Variants in MOB1B observed in about 807,000 individuals in gnomAD.
MOB1B encodes the protein MOB1 Mps One Binder homolog B.
A neutral mutation model predicts 24.4 loss-of-function variants in MOB1B; 19 were observed. The ratio of observed to expected loss-of-function variants is 0.78; its 90% CI spans 0.54 to 1.14. The LOEUF (loss-of-function observed/expected upper bound fraction) is 1.14. Among genes scored for constraint, MOB1B ranks in the 50% most tolerant of loss-of-function variants. The pLI is 0.00. For synonymous variants in MOB1B, 76 were observed against 82.1 expected (o/e 0.93, Z 0.40); for missense variants, 243 against 259.6 (o/e 0.94, Z 0.44).
At chr4:70,918,876 G>C (rs1228566292) in intron 1 of MOB1B, among the ~76,000 whole-genome samples, 3 of 152,044 alleles carry the variant, frequency 2.0e-5, no homozygotes, top group African/African-American at 7.2e-5. Flanking sequence ...GTTTATTGCG[G>C]CACTATTCAC....
At chr4:70,946,406 T>A (rs1737585697) in intron 1 of MOB1B, among the ~76,000 whole-genome samples, 1 of 152,138 alleles carries the variant, frequency 6.6e-6, no homozygotes, top group Non-Finnish European at 1.5e-5. Context: ...TGCAAAGGTA[T>A]CTAAGAGAAG....
At chr4:70,931,234 T>C (rs561129091) in intron 1 of MOB1B, among the ~76,000 whole-genome samples, 66 of 152,330 alleles carry the variant, frequency 4.3e-4, no homozygotes, top group African/African-American at 1.6e-3. Flanking sequence ...AATAAATGTT[T>C]TGGCTCAGTT....
At chr4:70,935,123 C>T (rs1287132564) in intron 1 of MOB1B, among the ~76,000 whole-genome samples, 1 of 151,966 alleles carries the variant, frequency 6.6e-6, no homozygotes, top group Admixed American at 6.6e-5. Flanking sequence ...GAGATGAGGG[C>T]TTGCTATGTT....
intron 5 of MOB1B, among the ~76,000 whole-genome samples, chr4:70,979,720 A>T (rs2148904777): frequency 6.6e-6 from 1 of 152,256 alleles, no homozygotes; most frequent in Admixed American, 6.5e-5. Flanking sequence ...GTTTTTTTTA[A>T]AACCACATTC....
intron 2 of MOB1B, among the ~76,000 whole-genome samples, chr4:70,965,354 C>T (rs1405632355): frequency 1.4e-5 from 2 of 146,962 alleles, no homozygotes; most frequent in African/African-American, 5.0e-5. Context: ...ATTTATAACT[C>T]CTGGTAAGAT....
intron 2 of MOB1B, among the ~76,000 whole-genome samples, chr4:70,963,183 T>G (rs1012206922): frequency 6.6e-6 from 1 of 152,024 alleles, no homozygotes; most frequent in Admixed American, 6.6e-5. Flanking sequence ...CTAGGCAACA[T>G]AGCAAGACCC....
chr4:70,936,173 T>C (rs543863314), intron 1 of MOB1B, among the ~76,000 whole-genome samples: 3 of 152,172 alleles, frequency 2.0e-5, no homozygotes, highest in South Asian at 4.1e-4. Flanking sequence ...TTTGTATTTT[T>C]AGTAGAGACA....
chr4:70,905,470 T>G (rs1263072702), intron 1 of MOB1B, among the ~76,000 whole-genome samples: 3 of 151,960 alleles, frequency 2.0e-5, no homozygotes, highest in Non-Finnish European at 2.9e-5. Flanking sequence ...GCTGGTCTCC[T>G]GGGCTCAAAC....
At chr4:70,911,626 T>C (rs1022790519) in intron 1 of MOB1B, among the ~76,000 whole-genome samples, 2 of 152,166 alleles carry the variant, frequency 1.3e-5, no homozygotes, top group Admixed American at 1.3e-4. Flanking sequence ...TGGTTACTTT[T>C]ACCATTATTG....
chr4:70,981,580 C>G (rs561774246), intron 5 of MOB1B, among the ~76,000 whole-genome samples: 2 of 152,252 alleles, frequency 1.3e-5, no homozygotes, highest in South Asian at 2.1e-4. Flanking sequence ...CTGAATTTGC[C>G]TGAGATGCTA....
chr4:70,976,698 G>T lies in MOB1B; in HGVS notation c.409+1412G>T, dbSNP rs1409159264. On this transcript the variant is annotated intron_variant, in intron 4 of 5. Coordinates refer to ENST00000309395, the MANE Select transcript of MOB1B (RefSeq NM_173468.4). ...AGTACTTTAAACATATTTATTGAAT[G>T]CATTAACCACTTGGAACTTTTTTAA... 2.2e-5 allele frequency: 20 copies of T among 924,056 alleles called. No homozygotes were observed. The African/African-American group carries it at 3.7e-4, about 17-fold the overall frequency. The allele number at this position is 924,056 out of a possible 1,614,324, so 57.2% of individuals were successfully genotyped here.
chr4:70,955,464 C>T (rs1466480137), intron 1 of MOB1B, among the ~76,000 whole-genome samples: 19 of 89,326 alleles, frequency 2.1e-4, no homozygotes, highest in Admixed American at 5.1e-4. Flanking sequence ...AGTATGTGTC[C>T]TTTTTTTTTT....
At chr4:70,927,346 C>T (rs1012989105) in intron 1 of MOB1B, among the ~76,000 whole-genome samples, 5 of 152,078 alleles carry the variant, frequency 3.3e-5, no homozygotes, top group Admixed American at 6.6e-5. Flanking sequence ...CGAGACCAGC[C>T]TGGCCAACAT....
intron 1 of MOB1B, among the ~76,000 whole-genome samples, chr4:70,946,162 T>C (rs1243245983): frequency 5.3e-5 from 8 of 151,406 alleles, no homozygotes; most frequent in Non-Finnish European, 7.4e-5. Context: ...AAAATGAAAT[T>C]TTGGTGTTAG....
At chr4:70,942,968 T>C in intron 1 of MOB1B, 2 of 245,490 alleles carry the variant, frequency 8.1e-6, no homozygotes, top group Non-Finnish European at 1.3e-5. Flanking sequence ...TATATCTCAG[T>C]GGGTTCGGGG....
intron 1 of MOB1B, chr4:70,950,922 G>A (rs1241216292): frequency 4.4e-6 from 3 of 684,724 alleles, no homozygotes; most frequent in Non-Finnish European, 7.8e-6. Context: ...AGGAAGCTGA[G>A]ACTCAGTAAC....
chr4:70,929,707 G>A (rs1304275251), intron 1 of MOB1B, among the ~76,000 whole-genome samples: 1 of 150,272 alleles, frequency 6.7e-6, no homozygotes, highest in Non-Finnish European at 1.5e-5. Context: ...GTGCAGTGGC[G>A]CGATCTTGGC....
intron 1 of MOB1B, among the ~76,000 whole-genome samples, chr4:70,941,714 T>G (rs935470848): frequency 1.3e-5 from 2 of 152,222 alleles, no homozygotes; most frequent in Non-Finnish European, 2.9e-5. Context: ...ATCTTTCTTT[T>G]CAGAGAAACT....
At chr4:70,929,053 T>G (rs1274980237) in intron 1 of MOB1B, among the ~76,000 whole-genome samples, 1 of 152,120 alleles carries the variant, frequency 6.6e-6, no homozygotes, top group African/African-American at 2.4e-5. Context: ...ATTGCATCAT[T>G]AAGAAAAAGA....
Sources: gnomAD v4.1 joint callset for allele counts (sites outside exome capture counted in the v4.1 genomes callset) on GRCh38, gnomAD v4.1.1 for gene constraint, MANE v1.5 for transcripts, NCBI Gene and HGNC (gene_info 2026-07-23, HGNC 2026-07-21) for gene names.